The following DAB1 variants were observed in gnomAD, a reference collection of about 807,000 sequenced individuals.
DAB1 encodes disabled homolog 1.
In DAB1, 15 loss-of-function variants were observed where a neutral mutation model predicts 64.6. The observed-to-expected ratio is 0.23, with a 90% CI of 0.16 to 0.36. The LOEUF (loss-of-function observed/expected upper bound fraction) is 0.36. DAB1 is among the 10% of genes least tolerant of loss of function. The probability of loss-of-function intolerance (pLI) is 1.00; values close to 1 mark genes in which losing one functional copy is unlikely to be tolerated. For missense variants in DAB1, 596 were observed against 706.7 expected (o/e 0.84, Z 1.78); for synonymous variants, 235 against 251.9 (o/e 0.93, Z 0.64).
intron 5 of DAB1, among the ~76,000 whole-genome samples, chr1:58,117,024 A>G (rs1339197515): frequency 6.6e-6 from 1 of 152,216 alleles, no homozygotes. Context: ...AGCAGTGTCA[A>G]TGCTGGCATA....
intron 6 of DAB1, among the ~76,000 whole-genome samples, chr1:57,741,941 TAC>T (rs1375555434): frequency 6.6e-6 from 1 of 152,220 alleles, no homozygotes; most frequent in East Asian, 1.9e-4. Flanking sequence ...TTTCCCTTGT[TAC>T]AGTTTTCGAG....
At chr1:57,335,020 G>A (rs1225064762) in intron 1 of DAB1, among the ~76,000 whole-genome samples, 1 of 152,102 alleles carries the variant, frequency 6.6e-6, no homozygotes, top group African/African-American at 2.4e-5. Context: ...TTTGATTTCT[G>A]GTTCAGAGCT....
At chr1:57,102,945 G>A (rs1654813373) in intron 4 of DAB1, among the ~76,000 whole-genome samples, 1 of 152,106 alleles carries the variant, frequency 6.6e-6, no homozygotes. Flanking sequence ...CCAAGACAAG[G>A]AGTAAAGTCG....
At chr1:57,991,998 C>A (rs996047379) in intron 5 of DAB1, among the ~76,000 whole-genome samples, 1 of 152,070 alleles carries the variant, frequency 6.6e-6, no homozygotes, top group Admixed American at 6.6e-5. Flanking sequence ...AGAGACACAG[C>A]AGAGTGGAGA....
chr1:57,006,910 G>A (rs1234608912), intron 14 of DAB1, among the ~76,000 whole-genome samples: 5 of 152,174 alleles, frequency 3.3e-5, no homozygotes, highest in African/African-American at 1.2e-4. Context: ...ATGAAAGGAT[G>A]TATGCTTACC....
chr1:58,137,109 C>T (rs1653991342), intron 5 of DAB1, among the ~76,000 whole-genome samples: 1 of 152,002 alleles, frequency 6.6e-6, no homozygotes, highest in African/African-American at 2.4e-5. Flanking sequence ...ACTAAATTTA[C>T]ATATACCTCT....
chr1:57,969,991 C>T (rs544875960), intron 5 of DAB1, among the ~76,000 whole-genome samples: 175 of 152,226 alleles, frequency 1.1e-3, no homozygotes, highest in African/African-American at 3.7e-3. Flanking sequence ...ATGGAATTCA[C>T]GCCCTTAATG....
chr1:58,043,441 T>C (rs1378925371), intron 5 of DAB1, among the ~76,000 whole-genome samples: 1 of 152,202 alleles, frequency 6.6e-6, no homozygotes, highest in African/African-American at 2.4e-5. Flanking sequence ...GCCCAAACCC[T>C]TCAATACATG....
intron 1 of DAB1, among the ~76,000 whole-genome samples, chr1:57,357,772 A>G (rs923657322): frequency 1.3e-4 from 19 of 151,890 alleles, no homozygotes; most frequent in African/African-American, 4.3e-4. Flanking sequence ...AGAAATGCCA[A>G]GCAAAAGGGG....
At chr1:57,262,050 T>C (rs938329504) in intron 2 of DAB1, among the ~76,000 whole-genome samples, 1 of 151,966 alleles carries the variant, frequency 6.6e-6, no homozygotes, top group Non-Finnish European at 1.5e-5. Flanking sequence ...GAGGTAGGGG[T>C]CAGCAAGGGA....
intron 5 of DAB1, among the ~76,000 whole-genome samples, chr1:58,018,953 G>A (rs979623791): frequency 1.4e-4 from 22 of 152,204 alleles, no homozygotes; most frequent in Non-Finnish European, 2.9e-4. Flanking sequence ...ATTCTCAGGA[G>A]AGGCAATGTG....
At chr1:58,109,992 TGATTGGTC>T (rs1454147240) in intron 5 of DAB1, among the ~76,000 whole-genome samples, 2 of 152,242 alleles carry the variant, frequency 1.3e-5, no homozygotes, top group African/African-American at 2.4e-5. Context: ...TGGTCATGGT[TGATTGGTC>T]CTGGTCCAGG....
At chr1:57,097,021 A>G (rs567081) in intron 4 of DAB1, among the ~76,000 whole-genome samples, 93,121 of 151,952 alleles carry the variant, frequency 0.61, 29,107 homozygotes, top group East Asian at 0.85. Flanking sequence ...CCAAGAAGGC[A>G]GGGGTAATAG....
chr1:57,647,192 G>T (rs7339963), intron 7 of DAB1, among the ~76,000 whole-genome samples: 45,742 of 151,986 alleles, frequency 0.3, 7,167 homozygotes, highest in Admixed American at 0.37. Flanking sequence ...CAAAGCTCTC[G>T]TTTCTTCTTT....
intron 1 of DAB1, among the ~76,000 whole-genome samples, chr1:57,363,696 G>A (rs1396877354): frequency 6.6e-6 from 1 of 152,182 alleles, no homozygotes; most frequent in East Asian, 1.9e-4. Flanking sequence ...AGATTGTACA[G>A]TCACTGGAAG....
chr1:57,982,914 G>A (rs1044824179), intron 5 of DAB1, among the ~76,000 whole-genome samples: 1 of 152,118 alleles, frequency 6.6e-6, no homozygotes, highest in Non-Finnish European at 1.5e-5. Context: ...CTTCATGCTG[G>A]GCTTGAGGTA....
intron 5 of DAB1, among the ~76,000 whole-genome samples, chr1:57,979,938 CA>C (rs1646021380): frequency 6.6e-6 from 1 of 152,070 alleles, no homozygotes; most frequent in African/African-American, 2.4e-5. Context: ...ATTTTATGAA[CA>C]AAAAGAAAGG....
chr1:57,751,757 C>T lies in DAB1; in HGVS notation n.552-102092G>A, dbSNP rs1039834218. 3.9e-5 allele frequency among the ~76,000 whole-genome samples: 6 copies of T among 152,092 alleles called. No homozygotes were observed. The East Asian group carries it at 5.8e-4, about 15-fold the overall frequency. On this transcript the variant is annotated intron_variant and non_coding_transcript_variant, in intron 6 of 20. Transcript: ENST00000485760. ...CAGGGAAGAGATACAGGCTGAGGGC[C>T]GGAAACTCTCAGGGTTCCCTCCTCA...
chr1:57,320,434 G>A (rs1230250940), intron 1 of DAB1, among the ~76,000 whole-genome samples: 1 of 152,226 alleles, frequency 6.6e-6, no homozygotes, highest in East Asian at 1.9e-4. Flanking sequence ...CTAACTTCTT[G>A]AATTTTGTAA....
Sources: allele counts gnomAD v4.1 joint callset (sites outside exome capture counted in the v4.1 genomes callset), GRCh38; gene constraint gnomAD v4.1.1; transcripts MANE v1.5; gene names NCBI Gene and HGNC (gene_info 2026-07-23, HGNC 2026-07-21).